Variants in HM13 observed in about 807,000 individuals in gnomAD.
HM13 encodes the protein signal peptide peptidase.
In HM13, 18 loss-of-function variants were observed where a neutral mutation model predicts 50.0. That is an observed-to-expected ratio of 0.36 (90% CI 0.25 to 0.53). HM13 has a LOEUF of 0.53. HM13 is among the 20% of genes least tolerant of loss of function. The pLI, the probability that HM13 is intolerant of heterozygous loss-of-function variation, is 0.90. For synonymous variants in HM13, 197 were observed against 232.6 expected, an observed-to-expected ratio of 0.85 and a Z score of 1.39; for missense variants, 393 against 552.4, an observed-to-expected ratio of 0.71 and a Z score of 2.89.
intron 3 of HM13, among the ~76,000 whole-genome samples, chr20:31,543,798 G>A (rs1011908691): frequency 6.6e-6 from 1 of 152,008 alleles, no homozygotes; most frequent in Admixed American, 6.5e-5. Flanking sequence ...GTCGGGCATG[G>A]TGGCGGGTGC....
At chr20:31,531,048 T>C (rs1982784395) in intron 2 of HM13, among the ~76,000 whole-genome samples, 1 of 152,066 alleles carries the variant, frequency 6.6e-6, no homozygotes, top group Non-Finnish European at 1.5e-5. Context: ...ATTAAAAAGA[T>C]TTTTTTTCTT....
At position 31,545,162 on chromosome 20, in the gene HM13, T is replaced by C; in HGVS notation, c.454+127T>C. ...AAGTGGGCTCTGGAATTCCATGGCC[T>C]GGATTCACATTCCAACTCTGCTATT... is the stretch of plus-strand genomic sequence containing the variant. On this transcript the variant is annotated intron_variant, in intron 4 of 12. Transcript: ENST00000398174. 3 of 735,346 alleles carry C rather than the reference T, an allele frequency of 4.1e-6. No homozygotes were observed. In the South Asian group the frequency reaches 4.7e-5, roughly 12 times the overall value. The allele number at this position is 735,346 out of a possible 1,614,324, so 45.6% of individuals were successfully genotyped here. A position where few individuals can be genotyped will look rare whatever the true frequency, so the allele number is the denominator to read the frequency against.
chr20:31,568,392 C>A, intron 12 of HM13, 168 bp downstream of exon 12: 1 of 1,020,672 alleles, frequency 9.8e-7, no homozygotes, highest in Non-Finnish European at 1.4e-6. Context: ...AGCCATAGGG[C>A]TGGGAAGCAG....
At chr20:31,516,526 A>T (rs528007504) in intron 1 of HM13, among the ~76,000 whole-genome samples, 52 of 152,348 alleles carry the variant, frequency 3.4e-4, no homozygotes, top group African/African-American at 1.3e-3. Flanking sequence ...GGGACAATGC[A>T]GGGAGGCTTT....
At position 31,569,117 on chromosome 20, in the gene HM13, C is replaced by A; in HGVS notation, c.1182-3C>A. 7.0e-7 allele frequency: 1 copy of A among 1,423,996 alleles called. No homozygotes were observed. The highest frequency in any genetic ancestry group is 9.4e-7 in the Non-Finnish European group (1 of 1,060,592). The allele number at this position is 1,423,996 out of a possible 1,614,324, so 88.2% of individuals were successfully genotyped here. A position where few individuals can be genotyped will look rare whatever the true frequency, so the allele number is the denominator to read the frequency against. ...TTATTGTTGTTTTTTTTTTTTTGGT[C>A]AGTTATGAGGAGTCAAATCCTAAGG... On this transcript the variant is annotated splice_polypyrimidine_tract_variant and splice_region_variant and intron_variant, in intron 12 of 12. Coordinates refer to ENST00000398174, the MANE Select transcript of HM13 (RefSeq NM_178581.3).
intron 1 of HM13, among the ~76,000 whole-genome samples, chr20:31,518,271 G>T (rs1031775456): frequency 6.6e-6 from 1 of 151,298 alleles, no homozygotes; most frequent in African/African-American, 2.4e-5. Flanking sequence ...CCGACCTCAG[G>T]TGATCCACCC....
At chr20:31,547,055 G>A (rs1983764349) in intron 4 of HM13, among the ~76,000 whole-genome samples, 1 of 152,198 alleles carries the variant, frequency 6.6e-6, no homozygotes, top group Non-Finnish European at 1.5e-5. Flanking sequence ...TCACTCCACT[G>A]TCCAGCCAGA....
At chr20:31,540,821 T>C (rs1983406857) in intron 3 of HM13, 1 of 151,564 alleles carries the variant, frequency 6.6e-6, no homozygotes, top group Non-Finnish European at 1.5e-5. Flanking sequence ...TGAAACCTTG[T>C]CTACTAAAAA....
chr20:31,551,241 T>C lies in HM13; in HGVS notation c.724+1120T>C, dbSNP rs371378086. ...TCTCACACTACAGCAAGCCCAGGGG[T>C]AGAAGGCTCAGAGTGAGTTAATGAC... On this transcript the variant is annotated intron_variant, in intron 7 of 12. Transcript: ENST00000398174. 2.2e-4 allele frequency among the ~76,000 whole-genome samples: 33 copies of C among 151,816 alleles called. No homozygotes were observed. In the East Asian group the frequency reaches 5.6e-3, roughly 26 times the overall value.
intron 11 of HM13, among the ~76,000 whole-genome samples, chr20:31,567,127 C>T (rs1354955333): frequency 6.6e-6 from 1 of 152,154 alleles, no homozygotes. Flanking sequence ...TCTAGAATCC[C>T]CAGCCCCCCG....
intron 7 of HM13, among the ~76,000 whole-genome samples, chr20:31,552,970 G>A (rs1014983147): frequency 1.6e-4 from 24 of 151,522 alleles, no homozygotes; most frequent in African/African-American, 5.3e-4. Flanking sequence ...GTAAGACTCC[G>A]TCTCAAATAT....
At chr20:31,555,231 C>T (rs1984245218) in intron 8 of HM13, among the ~76,000 whole-genome samples, 1 of 152,236 alleles carries the variant, frequency 6.6e-6, no homozygotes, top group African/African-American at 2.4e-5. Context: ...CATCTGCAAG[C>T]ATCACAGATG....
chr20:31,518,250 G>A (rs530301456), intron 1 of HM13, among the ~76,000 whole-genome samples: 25 of 151,218 alleles, frequency 1.7e-4, no homozygotes, highest in Non-Finnish European at 3.2e-4. Context: ...GGTCAGGCTG[G>A]TCTCAAACTC....
At position 31,549,085 on chromosome 20, in the gene HM13, A is replaced by T; in HGVS notation, c.511A>T (p.Ile171Phe). ...CCTGGTGTGCCTGGGCCTGAGCAGC[A>T]TCGTTGGCGTCTGGTACCTGCTGAG... ...KDLVCLGLSS[I>F]VGVWYLLRKH... Residue 171 changes from isoleucine (I) to phenylalanine (F), a missense_variant, in exon 5 of 13, where the codon ATC becomes TTC. Ile to Phe is a conservative substitution (Grantham distance 21). Around this residue, in one of 3 missense-constraint regions of HM13, gnomAD observed 214 missense variants for 276.1 expected, o/e 0.77. Transcript: ENST00000398174. 6.2e-7 allele frequency: 1 copy of T among 1,614,078 alleles called. No individual in the cohort carries two copies. The highest frequency in any genetic ancestry group is 1.1e-5 in the South Asian group (1 of 91,084).
At chr20:31,547,927 G>T in intron 4 of HM13, 1 of 1,259,368 alleles carries the variant, frequency 7.9e-7, no homozygotes. Flanking sequence ...AAAACAGCAT[G>T]CTCTGTGTGT....
intron 7 of HM13, among the ~76,000 whole-genome samples, chr20:31,553,793 G>T (rs150072499): frequency 2.3e-4 from 35 of 152,186 alleles, no homozygotes; most frequent in African/African-American, 8.4e-4. Context: ...AGCAATCTGC[G>T]GGTGTGTAGC....
chr20:31,524,942 T>C (rs1982399845), intron 1 of HM13, among the ~76,000 whole-genome samples: 1 of 152,084 alleles, frequency 6.6e-6, no homozygotes, highest in Non-Finnish European at 1.5e-5. Flanking sequence ...CTTGATCTCC[T>C]GACCTCACGA....
intron 1 of HM13, among the ~76,000 whole-genome samples, chr20:31,521,359 C>A (rs1982146405): frequency 6.6e-6 from 1 of 152,190 alleles, no homozygotes; most frequent in Non-Finnish European, 1.5e-5. Context: ...CTGCCACTCA[C>A]CAGCTGTGTG....
At chr20:31,517,546 T>A (rs760110395) in intron 1 of HM13, among the ~76,000 whole-genome samples, 1 of 151,816 alleles carries the variant, frequency 6.6e-6, no homozygotes, top group Non-Finnish European at 1.5e-5. Context: ...GAAACAGACA[T>A]GTGACTAGTC....
Sources: gnomAD v4.1 joint callset for allele counts (sites outside exome capture counted in the v4.1 genomes callset) on GRCh38, gnomAD v4.1.1 for gene constraint, gnomAD v4.1.1 regional missense constraint, MANE v1.5 for transcripts, NCBI Gene and HGNC (gene_info 2026-07-23, HGNC 2026-07-21) for gene names.